The following MGMT variants were observed in gnomAD, a reference collection of about 807,000 sequenced individuals.
The protein encoded by MGMT is O-6-methylguanine-DNA methyltransferase, also known as methylated-DNA--protein-cysteine methyltransferase.
MGMT carries 14 observed loss-of-function variants against 15.9 expected under a neutral mutation model. That is an observed-to-expected ratio of 0.88 (90% CI 0.58 to 1.37). The LOEUF is 1.37. MGMT is among the 40% of genes most tolerant of loss of function. The pLI is 0.00. For synonymous variants in MGMT, 130 were observed against 118.2 expected (o/e 1.10, Z -0.65); for missense variants, 282 against 268.1 (o/e 1.05, Z -0.36).
intron 2 of MGMT, among the ~76,000 whole-genome samples, chr10:129,552,361 G>A (rs1388726235): frequency 6.6e-6 from 1 of 152,216 alleles, no homozygotes; most frequent in East Asian, 1.9e-4. Flanking sequence ...TCATCCAGGA[G>A]GATGACTCTG....
intron 2 of MGMT, among the ~76,000 whole-genome samples, chr10:129,592,931 T>G (rs1846705463): frequency 6.6e-6 from 1 of 152,084 alleles, no homozygotes; most frequent in African/African-American, 2.4e-5. Flanking sequence ...ACAGTATCAA[T>G]AGAAATAACT....
intron 2 of MGMT, among the ~76,000 whole-genome samples, chr10:129,618,414 T>C (rs1351742881): frequency 6.6e-6 from 1 of 152,034 alleles, no homozygotes; most frequent in East Asian, 1.9e-4. Flanking sequence ...GCTGTGGCTC[T>C]GTAGTAAGTC....
At chr10:129,521,133 G>A (rs908793002) in intron 1 of MGMT, among the ~76,000 whole-genome samples, 4 of 152,206 alleles carry the variant, frequency 2.6e-5, no homozygotes, top group African/African-American at 9.7e-5. Flanking sequence ...TCTCAGGTGG[G>A]GATGGAGAGC....
chr10:129,702,994 A>G (rs553032519), intron 2 of MGMT, among the ~76,000 whole-genome samples: 1 of 152,342 alleles, frequency 6.6e-6, no homozygotes, highest in East Asian at 1.9e-4. Context: ...GGGCAGGAGA[A>G]TAAATTTCAT....
At chr10:129,759,145 A>T in intron 3 of MGMT, 57 bp from the exon 4 acceptor site, 1 of 1,605,750 alleles carries the variant, frequency 6.2e-7, no homozygotes, top group South Asian at 1.1e-5. Flanking sequence ...GGCTATTTAT[A>T]TCAGAGCTGC....
chr10:129,515,078 C>G (rs886680544), intron 1 of MGMT, among the ~76,000 whole-genome samples: 2 of 152,220 alleles, frequency 1.3e-5, no homozygotes, highest in Non-Finnish European at 2.9e-5. Flanking sequence ...CTTCTCCGCT[C>G]CTCAGCTTCC....
chr10:129,574,537 C>A (rs962041650), intron 2 of MGMT, among the ~76,000 whole-genome samples: 2 of 152,108 alleles, frequency 1.3e-5, no homozygotes, highest in African/African-American at 4.8e-5. Flanking sequence ...GTACATAAAT[C>A]CTAGCTTGGG....
chr10:129,643,677 A>T (rs1847353958), intron 2 of MGMT, among the ~76,000 whole-genome samples: 1 of 152,118 alleles, frequency 6.6e-6, no homozygotes, highest in African/African-American at 2.4e-5. Context: ...AGAAACAACG[A>T]TTTCTTCAAT....
At chr10:129,623,982 C>G (rs1022681584) in intron 2 of MGMT, among the ~76,000 whole-genome samples, 7 of 152,264 alleles carry the variant, frequency 4.6e-5, no homozygotes, top group Non-Finnish European at 7.3e-5. Flanking sequence ...GACACCCTCT[C>G]CCTGCTAGCC....
Position 129,490,052 on chromosome 10 carries a change from T to C in MGMT, c.-13+22756T>C, listed in dbSNP as rs566047870. Among the ~76,000 whole-genome samples the C allele has an allele frequency of 4.3e-4, 65 of 152,286 alleles. 3 individuals carry two copies. In the South Asian group the frequency reaches 0.013, roughly 30 times the overall value. ...AACAAAAATGATGCTTGCTATAGAC[T>C]TTTGGTAGAAAGAACTTTCCTTCTC... On this transcript the variant is annotated intron_variant, in intron 1 of 4. Coordinates refer to ENST00000651593, the MANE Select transcript of MGMT (RefSeq NM_002412.5).
intron 2 of MGMT, among the ~76,000 whole-genome samples, chr10:129,557,339 A>G (rs150371446): frequency 2.7e-4 from 41 of 152,074 alleles, no homozygotes; most frequent in African/African-American, 9.9e-4. Context: ...CCTTTCCCTA[A>G]GGGTTTAACT....
chr10:129,761,728 G>A (rs1848876049), intron 4 of MGMT, among the ~76,000 whole-genome samples: 1 of 152,218 alleles, frequency 6.6e-6, no homozygotes, highest in African/African-American at 2.4e-5. Context: ...GCATCAGGCA[G>A]GAGGGTTCTA....
intron 2 of MGMT, among the ~76,000 whole-genome samples, chr10:129,591,190 G>A (rs1356658371): frequency 1.3e-5 from 2 of 152,188 alleles, no homozygotes; most frequent in Admixed American, 6.5e-5. Context: ...GGCATGATGA[G>A]TGGCCGTGTT....
intron 2 of MGMT, among the ~76,000 whole-genome samples, chr10:129,703,091 T>G (rs966999060): frequency 3.3e-5 from 5 of 152,196 alleles, no homozygotes; most frequent in African/African-American, 1.2e-4. Flanking sequence ...AAATGTAGTA[T>G]CATAAATCAT....
At chr10:129,578,469 T>C (rs1392773881) in intron 2 of MGMT, among the ~76,000 whole-genome samples, 1 of 142,380 alleles carries the variant, frequency 7.0e-6, no homozygotes, top group African/African-American at 2.7e-5. Flanking sequence ...CACTCATAGG[T>C]GGGAATTGAA....
At chr10:129,679,058 C>T (rs564373198) in intron 2 of MGMT, among the ~76,000 whole-genome samples, 1 of 147,136 alleles carries the variant, frequency 6.8e-6, no homozygotes, top group Non-Finnish European at 1.5e-5. Flanking sequence ...GGATGACAGA[C>T]TGAGACTCCA....
At position 129,769,682 on chromosome 10, in the gene MGMT, T is replaced by C. The variant is rs541193854; in HGVS notation, c.*2685T>C. ...TTTGGCCACGCAGGAGACTGAGTTTTGTGAGGGGTTGTCCTTCTCCCAGTC... is the reference window on the plus strand; with the variant it reads ...TTTGGCCACGCAGGAGACTGAGTTTCGTGAGGGGTTGTCCTTCTCCCAGTC... On this transcript the variant is annotated 3_prime_UTR_variant, in exon 5 of 5. Transcript: ENST00000651593. Among the ~76,000 whole-genome samples, 2 of 152,328 alleles carry C rather than the reference T, an allele frequency of 1.3e-5. No individual in the cohort carries two copies. Among genetic ancestry groups the C allele is most frequent in the East Asian group, 3.9e-4 (2 of 5,170 alleles).
At chr10:129,687,012 T>C (rs891890376) in intron 2 of MGMT, among the ~76,000 whole-genome samples, 3 of 152,158 alleles carry the variant, frequency 2.0e-5, no homozygotes, top group Admixed American at 6.5e-5. Flanking sequence ...GAGGAAGTTC[T>C]GAGCTGCTTT....
Position 129,532,735 on chromosome 10 carries a change from C to G in MGMT, c.-12-3506C>G, listed in dbSNP as rs1470843731. On this transcript the variant is annotated intron_variant, in intron 1 of 4. Transcript: ENST00000651593. This position sits in a 1 kb window ranked among gnomAD's most constrained non-coding sequence, Gnocchi z 5.3. ...CCAGCCCGTCACGGTGTGTAGTGCC[C>G]AAAGCCCTGGCCGTGGCCATCTCAG... Among the ~76,000 whole-genome samples the G allele has an allele frequency of 6.6e-6, 1 of 152,118 alleles. No individual in the cohort carries two copies. The highest frequency in any genetic ancestry group is 1.9e-4 in the East Asian group (1 of 5,166).
Sources: allele counts gnomAD v4.1 joint callset (sites outside exome capture counted in the v4.1 genomes callset), GRCh38; gene constraint gnomAD v4.1.1; non-coding constraint Gnocchi (gnomAD v3.1); transcripts MANE v1.5; gene names NCBI Gene and HGNC (gene_info 2026-07-23, HGNC 2026-07-21).